Variants in NFKBIB observed in about 807,000 individuals in gnomAD.
The protein encoded by NFKBIB is NFKB inhibitor beta, also known as NF-kappa-B inhibitor beta.
In NFKBIB, 16 loss-of-function variants were observed where a neutral mutation model predicts 32.1. The observed-to-expected ratio is 0.50, with a 90% CI of 0.34 to 0.76. The LOEUF is 0.76. NFKBIB is among the 30% of genes least tolerant of loss of function. NFKBIB has a pLI of 0.01. For synonymous variants in NFKBIB, 222 were observed against 219.5 expected (o/e 1.01, Z -0.10); for missense variants, 437 against 514.9 (o/e 0.85, Z 1.46).
At chr19:38,900,523 G>T (rs1234048444) in intron 1 of NFKBIB, among the ~76,000 whole-genome samples, 1 of 152,098 alleles carries the variant, frequency 6.6e-6, no homozygotes, top group Non-Finnish European at 1.5e-5. Flanking sequence ...GGCTTCTCCT[G>T]ACTTCTAACC....
At chr19:38,906,263 T>A (rs765100366) in intron 3 of NFKBIB, among the ~76,000 whole-genome samples, 3 of 149,320 alleles carry the variant, frequency 2.0e-5, no homozygotes, top group Non-Finnish European at 4.4e-5. Flanking sequence ...GCCTCCCGAG[T>A]AGCTGGGATT....
intron 3 of NFKBIB, among the ~76,000 whole-genome samples, chr19:38,906,034 A>T (rs1974106326): frequency 6.6e-6 from 1 of 150,846 alleles, no homozygotes; most frequent in Non-Finnish European, 1.5e-5. Context: ...GCCACCTGAG[A>T]CCAGACCCCT....
At chr19:38,900,243 C>A in intron 1 of NFKBIB, 32 bp downstream of exon 1, 1 of 1,554,158 alleles carries the variant, frequency 6.4e-7, no homozygotes, top group Non-Finnish European at 8.7e-7. Flanking sequence ...AAACGGAGCC[C>A]TAGGACCCGG....
intron 1 of NFKBIB, among the ~76,000 whole-genome samples, chr19:38,904,703 C>T (rs1974061662): frequency 6.6e-6 from 1 of 152,074 alleles, no homozygotes; most frequent in African/African-American, 2.4e-5. Context: ...GCACGATGTC[C>T]AGTGTCTTCA....
chr19:38,902,655 G>T (rs1447439142), intron 1 of NFKBIB, among the ~76,000 whole-genome samples: 1 of 151,996 alleles, frequency 6.6e-6, no homozygotes, highest in Non-Finnish European at 1.5e-5. Flanking sequence ...TATGGCAAGT[G>T]AAAGTGTATG....
chr19:38,901,553 G>C (rs183183812), intron 1 of NFKBIB, among the ~76,000 whole-genome samples: 4 of 151,996 alleles, frequency 2.6e-5, no homozygotes, highest in Non-Finnish European at 5.9e-5. Context: ...GAGTATAGTG[G>C]CACTATCTCT....
rs753385932 is a variant in NFKBIB at position 38,908,742 on chromosome 19, C to T, written c.981C>T (p.Asp327=). Residue 327 remains aspartate (D), a synonymous_variant, in exon 6 of 6, where the codon GAC becomes GAT. Transcript: ENST00000313582. The stretch of plus-strand genomic sequence containing the variant: ...CCCTTTGCCCCCAGGATGAATACGA[C>T]GACATTGTGGTTCACAGCAGCCGCA... The part of the protein sequence containing the change: ...SDSGDEGDEY[D]DIVVHSSRSQ... The T allele has an allele frequency of 3.7e-6, 6 of 1,613,086 alleles. No individual in the cohort carries two copies. Among genetic ancestry groups the T allele is most frequent in the Middle Eastern group, 1.7e-4 (1 of 5,982 alleles).
intron 1 of NFKBIB, 30 bp downstream of exon 1, chr19:38,900,241 C>T (rs368267090): frequency 1.8e-5 from 28 of 1,555,306 alleles, no homozygotes; most frequent in Non-Finnish European, 2.2e-5. Context: ...CCAAACGGAG[C>T]CCTAGGACCC....
At chr19:38,908,466 G>T in intron 5 of NFKBIB, 1 of 1,020,814 alleles carries the variant, frequency 9.8e-7, no homozygotes, top group Admixed American at 4.5e-5. Context: ...TTGAACCTGG[G>T]AGGTGGAGGT....
At chr19:38,906,704 C>A (rs796967513) in intron 3 of NFKBIB, among the ~76,000 whole-genome samples, 1 of 147,352 alleles carries the variant, frequency 6.8e-6, no homozygotes, top group Non-Finnish European at 1.5e-5. Flanking sequence ...CTCCTGACCT[C>A]GTGATCCACC....
In NFKBIB at chr19:38,899,990, T is replaced by C. The variant is rs1218202051; in HGVS notation, c.-43T>C. ...TCCAGAACTCCCGGCAAAGCCCAGC[T>C]ACAGGCGGGCGACTGCGGGGGGCCC... On this transcript the variant is annotated 5_prime_UTR_variant, in exon 1 of 6. Coordinates refer to ENST00000313582, the MANE Select transcript of NFKBIB (RefSeq NM_002503.5). 8 of 1,441,910 alleles carry C rather than the reference T, an allele frequency of 5.5e-6. No individual in the cohort carries two copies. The highest frequency in any genetic ancestry group is 7.3e-6 in the Non-Finnish European group (8 of 1,101,482). 89.3% of individuals were successfully genotyped at this position (1,441,910 alleles called of 1,614,324 possible).
intron 3 of NFKBIB, 46 bp from the exon 4 acceptor site, chr19:38,907,172 TGGG>T: frequency 6.7e-7 from 1 of 1,502,428 alleles, no homozygotes; most frequent in Non-Finnish European, 9.1e-7. Context: ...CACGGTGGGG[TGGG>T]GGGGGCCCTC....
intron 5 of NFKBIB, 156 bp from the exon 6 acceptor site, chr19:38,908,575 G>C: frequency 7.6e-7 from 1 of 1,316,468 alleles, no homozygotes; most frequent in South Asian, 2.4e-5. Flanking sequence ...AAAGAAAATG[G>C]AGTTCTGAGA....
Position 38,900,003 on chromosome 19 carries a change from C to T in NFKBIB, c.-30C>T. On this transcript the variant is annotated 5_prime_UTR_variant, in exon 1 of 6. Transcript: ENST00000313582. ...GCAAAGCCCAGCTACAGGCGGGCGACTGCGGGGGGCCCCTGAGGCGGCGGG... is the reference window on the plus strand; with the variant it reads ...GCAAAGCCCAGCTACAGGCGGGCGATTGCGGGGGGCCCCTGAGGCGGCGGG... 5 of 1,443,300 alleles carry T rather than the reference C, an allele frequency of 3.5e-6. No individual in the cohort carries two copies. Among genetic ancestry groups the T allele is most frequent in the Middle Eastern group, 1.9e-4 (1 of 5,362 alleles). 89.4% of individuals were successfully genotyped at this position (1,443,300 alleles called of 1,614,324 possible).
chr19:38,904,560 A>G (rs1974056451), intron 1 of NFKBIB, among the ~76,000 whole-genome samples: 1 of 152,034 alleles, frequency 6.6e-6, no homozygotes, highest in Admixed American at 6.6e-5. Context: ...GACCTCAGAC[A>G]ACCTGATGCG....
intron 1 of NFKBIB, among the ~76,000 whole-genome samples, chr19:38,901,303 CTT>C (rs907428876): frequency 1.3e-5 from 2 of 148,874 alleles, no homozygotes; most frequent in African/African-American, 4.9e-5. Context: ...TCTGTTCTGA[CTT>C]TTTTTTTTGA....
intron 4 of NFKBIB, 29 bp from the exon 5 acceptor site, chr19:38,907,370 C>T (rs765572197): frequency 1.3e-6 from 2 of 1,592,430 alleles, no homozygotes; most frequent in East Asian, 4.5e-5. Context: ...CTCTTCGGGC[C>T]CTCTGACCTT....
At chr19:38,902,247 AT>A (rs556694616) in intron 1 of NFKBIB, among the ~76,000 whole-genome samples, 2 of 150,950 alleles carry the variant, frequency 1.3e-5, no homozygotes, top group Non-Finnish European at 3.0e-5. Context: ...CGCCTGGCTA[AT>A]TTTTTTTGTA....
intron 1 of NFKBIB, among the ~76,000 whole-genome samples, chr19:38,903,474 G>C (rs946665170): frequency 6.6e-6 from 1 of 152,002 alleles, no homozygotes. Flanking sequence ...TTTTTGTAGA[G>C]ACAGGGTCTC....
Sources: allele counts gnomAD v4.1 joint callset (sites outside exome capture counted in the v4.1 genomes callset), GRCh38; gene constraint gnomAD v4.1.1; transcripts MANE v1.5; gene names NCBI Gene and HGNC (gene_info 2026-07-23, HGNC 2026-07-21).